EYS: variants seen among roughly 807,000 people sequenced by gnomAD.
The protein encoded by EYS is EGF-like photoreceptor maintenance factor, also known as protein eyes shut homolog.
Under a neutral mutation model 282.1 loss-of-function variants are expected in EYS, and 250 were observed. That is an observed-to-expected ratio of 0.89 (90% confidence interval 0.80 to 0.98). EYS has a LOEUF of 0.98. EYS is among the 50% of genes least tolerant of loss of function. EYS has a pLI of 0.00. For missense variants in EYS, 4,016 were observed against 3,709.0 expected (o/e 1.08, Z -2.15); for synonymous variants, 1,355 against 1,282.9 (o/e 1.06, Z -1.20).
intron 41 of EYS, among the ~76,000 whole-genome samples, chr6:63,757,474 C>T (rs947739122): frequency 6.6e-6 from 1 of 151,948 alleles, no homozygotes; most frequent in African/African-American, 2.4e-5. Context: ...TGCCCTTTGC[C>T]TTGTGATCTT....
At chr6:64,587,805 A>G (rs1303291801) in intron 26 of EYS, among the ~76,000 whole-genome samples, 2 of 152,048 alleles carry the variant, frequency 1.3e-5, no homozygotes, top group Non-Finnish European at 2.9e-5. Flanking sequence ...AGTAACCAAG[A>G]CAGTTTGGAA....
intron 29 of EYS, among the ~76,000 whole-genome samples, chr6:64,314,480 A>G (rs1671599730): frequency 6.6e-6 from 1 of 152,116 alleles, no homozygotes; most frequent in Non-Finnish European, 1.5e-5. Flanking sequence ...ATGAGACAGA[A>G]AATTAATAAG....
chr6:65,369,306 A>AATATATGTATTAT (rs1765039714), intron 8 of EYS, among the ~76,000 whole-genome samples: 2 of 59,874 alleles, frequency 3.3e-5, no homozygotes. Flanking sequence ...ATTTATGTAT[A>AATATATGTATTAT]ATATATATAT....
intron 40 of EYS, among the ~76,000 whole-genome samples, chr6:63,766,628 T>C (rs1769795631): frequency 6.6e-6 from 1 of 152,064 alleles, no homozygotes; most frequent in South Asian, 2.1e-4. Flanking sequence ...TCACTTACCA[T>C]GTGCCAGGCA....
At chr6:64,467,376 A>G (rs1481702129) in intron 26 of EYS, among the ~76,000 whole-genome samples, 2 of 152,232 alleles carry the variant, frequency 1.3e-5, no homozygotes, top group East Asian at 3.8e-4. Context: ...GACATAATTA[A>G]GAAAAATTTA....
chr6:64,707,185 G>A (rs1283327308), intron 22 of EYS, among the ~76,000 whole-genome samples: 1 of 151,714 alleles, frequency 6.6e-6, no homozygotes, highest in Non-Finnish European at 1.5e-5. Context: ...GGAAATAATG[G>A]CATTTTCAGC....
intron 8 of EYS, among the ~76,000 whole-genome samples, chr6:65,359,910 T>G (rs1009008103): frequency 6.6e-6 from 1 of 152,054 alleles, no homozygotes; most frequent in Non-Finnish European, 1.5e-5. Context: ...GAAATAAAAA[T>G]TATAGAATTT....
At chr6:65,594,208 A>G (rs1432532168) in intron 2 of EYS, among the ~76,000 whole-genome samples, 1 of 152,000 alleles carries the variant, frequency 6.6e-6, no homozygotes, top group African/African-American at 2.4e-5. Flanking sequence ...ACATAGTTAC[A>G]TGGTTGTATA....
intron 26 of EYS, among the ~76,000 whole-genome samples, chr6:64,499,835 G>T (rs1776985949): frequency 6.6e-6 from 1 of 152,068 alleles, no homozygotes; most frequent in African/African-American, 2.4e-5. Context: ...GAGATAATGT[G>T]CTATTTCTTA....
intron 12 of EYS, among the ~76,000 whole-genome samples, chr6:65,068,576 A>G (rs889328576): frequency 1.3e-5 from 2 of 151,982 alleles, no homozygotes; most frequent in Non-Finnish European, 2.9e-5. Context: ...CTGTGTGTCT[A>G]TGTACCAACA....
chr6:64,704,080 TA>T (rs1242545449), intron 22 of EYS, among the ~76,000 whole-genome samples: 1 of 151,660 alleles, frequency 6.6e-6, no homozygotes, highest in Admixed American at 6.6e-5. Context: ...GAAAGAGATT[TA>T]AAAAAAACTT....
intron 2 of EYS, among the ~76,000 whole-genome samples, chr6:65,552,058 C>A (rs1768615331): frequency 8.3e-5 from 1 of 12,056 alleles, no homozygotes; most frequent in Non-Finnish European, 1.2e-4. Context: ...ATTTATGCAG[C>A]CAAAAAACAC....
chr6:64,441,179 C>T (rs2150468088), intron 26 of EYS, among the ~76,000 whole-genome samples: 1 of 152,254 alleles, frequency 6.6e-6, no homozygotes. Context: ...GACTGACCAT[C>T]CATATCAATT....
intron 35 of EYS, among the ~76,000 whole-genome samples, chr6:63,897,832 A>G (rs1773570954): frequency 6.6e-6 from 1 of 152,162 alleles, no homozygotes; most frequent in Non-Finnish European, 1.5e-5. Context: ...GCAGGTCTAT[A>G]CACCAGGGTA....
At chr6:65,453,556 A>G (rs1764487969) in intron 5 of EYS, among the ~76,000 whole-genome samples, 1 of 151,950 alleles carries the variant, frequency 6.6e-6, no homozygotes, top group East Asian at 1.9e-4. Flanking sequence ...TCTTCTAGCT[A>G]TTTTGTAATA....
At chr6:65,371,729 CTCTCTCTCTCTCTG>C (rs1315742598) in intron 8 of EYS, among the ~76,000 whole-genome samples, 2,240 of 59,348 alleles carry the variant, frequency 0.038, 23 homozygotes, top group South Asian at 0.072. Flanking sequence ...CTCTCTCTCT[CTCTCTCTCTCTCTG>C]TGTGTGTGTG....
chr6:64,579,834 C>A (rs962540543), intron 26 of EYS, among the ~76,000 whole-genome samples: 4 of 152,068 alleles, frequency 2.6e-5, no homozygotes, highest in Non-Finnish European at 5.9e-5. Flanking sequence ...CTATACTGGC[C>A]GGTTACTTTG....
At chr6:64,653,203 T>C (rs1246482592) in intron 22 of EYS, among the ~76,000 whole-genome samples, 2 of 152,114 alleles carry the variant, frequency 1.3e-5, no homozygotes, top group Non-Finnish European at 2.9e-5. Context: ...TGCCTGATGC[T>C]ACCAAAAGCT....
intron 22 of EYS, among the ~76,000 whole-genome samples, chr6:64,652,886 ATG>A (rs1406784986): frequency 6.6e-6 from 1 of 152,058 alleles, no homozygotes; most frequent in African/African-American, 2.4e-5. Flanking sequence ...GTGTGTACAT[ATG>A]TGTGTGTGTG....
Sources: gnomAD v4.1 joint callset for allele counts (sites outside exome capture counted in the v4.1 genomes callset) on GRCh38, gnomAD v4.1.1 for gene constraint, MANE v1.5 for transcripts, NCBI Gene and HGNC (gene_info 2026-07-23, HGNC 2026-07-21) for gene names.